CAMK2D: variants seen among roughly 807,000 people sequenced by gnomAD.
CAMK2D encodes calcium/calmodulin-dependent protein kinase type II subunit delta.
Under a neutral mutation model 84.0 loss-of-function variants are expected in CAMK2D, and 37 were observed. The observed-to-expected ratio is 0.44, with a 90% CI of 0.34 to 0.58. The LOEUF is 0.58. Ranked by LOEUF, CAMK2D falls within the 20% of genes least tolerant of loss-of-function variation. The pLI, the probability that CAMK2D is intolerant of heterozygous loss-of-function variation, is 0.02. For missense variants in CAMK2D, 448 were observed against 652.5 expected (o/e 0.69, Z 3.41); for synonymous variants, 202 against 212.5 (o/e 0.95, Z 0.43).
chr4:113,697,982 T>C (rs1243779950), intron 2 of CAMK2D, among the ~76,000 whole-genome samples: 1 of 152,058 alleles, frequency 6.6e-6, no homozygotes, highest in African/African-American at 2.4e-5. Context: ...TAGAGTTACA[T>C]CCCAATAAAC....
chr4:113,682,446 A>G (rs972250152), intron 2 of CAMK2D, among the ~76,000 whole-genome samples: 4 of 151,998 alleles, frequency 2.6e-5, no homozygotes, highest in African/African-American at 9.7e-5. Context: ...ATTATCATTC[A>G]CCATTTTTAT....
chr4:113,581,753 T>C (rs1398996023), intron 4 of CAMK2D, among the ~76,000 whole-genome samples: 1 of 152,302 alleles, frequency 6.6e-6, no homozygotes, highest in Admixed American at 6.5e-5. Context: ...AAAACATTGA[T>C]ATTTGCCTGT....
At chr4:113,731,192 A>G (rs985918275) in intron 2 of CAMK2D, among the ~76,000 whole-genome samples, 1 of 152,230 alleles carries the variant, frequency 6.6e-6, no homozygotes, top group Non-Finnish European at 1.5e-5. Flanking sequence ...CATGCCACAA[A>G]GTAAAAACAA....
chr4:113,695,504 T>A (rs1481315562), intron 2 of CAMK2D, among the ~76,000 whole-genome samples: 1 of 152,070 alleles, frequency 6.6e-6, no homozygotes, highest in East Asian at 1.9e-4. Context: ...GTTTTCCCCA[T>A]CTCAGTAAAT....
chr4:113,654,546 T>C (rs2099190323), intron 3 of CAMK2D, among the ~76,000 whole-genome samples: 1 of 152,014 alleles, frequency 6.6e-6, no homozygotes, highest in African/African-American at 2.4e-5. Context: ...AATGTTTATC[T>C]TATGTGAGGG....
intron 2 of CAMK2D, among the ~76,000 whole-genome samples, chr4:113,693,436 A>G (rs1252408501): frequency 1.3e-5 from 2 of 152,262 alleles, no homozygotes; most frequent in Non-Finnish European, 2.9e-5. Flanking sequence ...AGACCTTGCT[A>G]AAGATTAGCT....
chr4:113,616,121 A>C (rs1050160669), intron 3 of CAMK2D, among the ~76,000 whole-genome samples: 2 of 152,088 alleles, frequency 1.3e-5, no homozygotes, highest in Admixed American at 6.6e-5. Context: ...TTGTAAACTT[A>C]ATATCAACTA....
At chr4:113,720,363 TTC>T (rs144289633) in intron 2 of CAMK2D, among the ~76,000 whole-genome samples, 330 of 109,656 alleles carry the variant, frequency 3.0e-3, no homozygotes, top group Non-Finnish European at 5.0e-3. Context: ...AACAATCACA[TTC>T]TCACACACAC....
At chr4:113,600,905 G>A (rs916443317) in intron 4 of CAMK2D, among the ~76,000 whole-genome samples, 1 of 152,154 alleles carries the variant, frequency 6.6e-6, no homozygotes, top group Non-Finnish European at 1.5e-5. Flanking sequence ...GAAGTGCTGA[G>A]GTTACAAGCA....
In CAMK2D at chr4:113,516,422, T is replaced by C. The variant is rs575027312; in HGVS notation, c.696+1141A>G. Among the ~76,000 whole-genome samples the C allele has an allele frequency of 3.9e-5, 6 of 152,244 alleles. No homozygotes were observed. The South Asian group carries it at 1.0e-3, about 26-fold the overall frequency. ...CAGTTCTCTAATTTTCATGAAAGCA[T>C]TCCTCTAGGTATACCAAGCAGTGCA... On this transcript the variant is annotated intron_variant, in intron 9 of 20. Coordinates refer to ENST00000511664, the MANE Select transcript of CAMK2D (RefSeq NM_001321571.2).
At chr4:113,474,795 T>C (rs1437342271) in intron 16 of CAMK2D, among the ~76,000 whole-genome samples, 1 of 151,998 alleles carries the variant, frequency 6.6e-6, no homozygotes, top group African/African-American at 2.4e-5. Context: ...TACAGGTGCC[T>C]GCCACCACAC....
chr4:113,723,005 A>C (rs1205940519), intron 2 of CAMK2D, among the ~76,000 whole-genome samples: 1 of 152,148 alleles, frequency 6.6e-6, no homozygotes, highest in Non-Finnish European at 1.5e-5. Context: ...ACGACTTTGT[A>C]ATTTATTATC....
rs575266630 is a variant in CAMK2D at position 113,549,401 on chromosome 4, C to G, written c.342-1685G>C. ...GGAGCTTTCAAAGAATAAATAAATACAAATTTACAATCCCCTGGAGCATTG... is the reference window on the plus strand; with the variant it reads ...GGAGCTTTCAAAGAATAAATAAATAGAAATTTACAATCCCCTGGAGCATTG... On this transcript the variant is annotated intron_variant, in intron 5 of 20. Transcript: ENST00000511664. 2.7e-4 allele frequency among the ~76,000 whole-genome samples: 41 copies of G among 152,278 alleles called. 1 individual carries two copies. The highest frequency in any genetic ancestry group is 1.7e-3 in the Admixed American group (26 of 15,294).
At chr4:113,698,983 C>A (rs1051191094) in intron 2 of CAMK2D, among the ~76,000 whole-genome samples, 1 of 151,918 alleles carries the variant, frequency 6.6e-6, no homozygotes, top group Non-Finnish European at 1.5e-5. Flanking sequence ...TAGAAGTATG[C>A]CTTCTGGAGC....
chr4:113,748,369 C>T (rs1207374806), intron 2 of CAMK2D, among the ~76,000 whole-genome samples: 1 of 152,070 alleles, frequency 6.6e-6, no homozygotes, highest in Non-Finnish European at 1.5e-5. Context: ...CATACTTTGT[C>T]ATTGGTGGAA....
intron 2 of CAMK2D, among the ~76,000 whole-genome samples, chr4:113,709,103 A>G (rs2154353300): frequency 6.6e-6 from 1 of 152,262 alleles, no homozygotes; most frequent in Non-Finnish European, 1.5e-5. Flanking sequence ...TTGATACAGT[A>G]AGCTGATTTG....
intron 11 of CAMK2D, 127 bp downstream of exon 11, chr4:113,513,703 A>G (rs2098248684): frequency 4.9e-6 from 3 of 613,302 alleles, no homozygotes; most frequent in South Asian, 4.2e-5. Context: ...AAGAGCCCCA[A>G]AAAGAATAAT....
At chr4:113,587,380 T>C (rs2098838885) in intron 4 of CAMK2D, among the ~76,000 whole-genome samples, 2 of 152,192 alleles carry the variant, frequency 1.3e-5, no homozygotes, top group Non-Finnish European at 2.9e-5. Flanking sequence ...AACATGCGCC[T>C]GAGGCAAATT....
intron 4 of CAMK2D, among the ~76,000 whole-genome samples, chr4:113,583,210 T>C (rs531478225): frequency 6.6e-5 from 10 of 151,022 alleles, no homozygotes; most frequent in South Asian, 4.2e-4. Flanking sequence ...AATTCCAATG[T>C]GCATTATTTA....
Sources: gnomAD v4.1 joint callset for allele counts (sites outside exome capture counted in the v4.1 genomes callset) on GRCh38, gnomAD v4.1.1 for gene constraint, MANE v1.5 for transcripts, NCBI Gene and HGNC (gene_info 2026-07-23, HGNC 2026-07-21) for gene names.